The following FAM13A variants were observed in gnomAD, a reference collection of about 807,000 sequenced individuals.
FAM13A encodes protein FAM13A.
FAM13A carries 76 observed loss-of-function variants against 129.6 expected under a neutral mutation model. That is an observed-to-expected ratio of 0.59 (90% CI 0.49 to 0.71). The LOEUF (loss-of-function observed/expected upper bound fraction) is 0.71, where lower values mean the gene tolerates loss of function less well. Ranked by LOEUF, FAM13A falls within the 30% of genes least tolerant of loss-of-function variation. The pLI, the probability that FAM13A is intolerant of heterozygous loss-of-function variation, is 0.00. For missense variants in FAM13A, 1,108 were observed against 1,249.3 expected (o/e 0.89, Z 1.70); for synonymous variants, 443 against 449.9 (o/e 0.98, Z 0.20).
intron 17 of FAM13A, 69 bp from the exon 18 acceptor site, chr4:88,747,920 C>T (rs752880912): frequency 4.7e-5 from 55 of 1,163,744 alleles, no homozygotes; most frequent in East Asian, 7.4e-5. Flanking sequence ...GATGGAGTCT[C>T]GCTCTGTCGC....
At chr4:88,808,844 T>C (rs948194378) in intron 7 of FAM13A, among the ~76,000 whole-genome samples, 1 of 152,150 alleles carries the variant, frequency 6.6e-6, no homozygotes, top group African/African-American at 2.4e-5. Flanking sequence ...TGATTATGCT[T>C]AATGTTCTCA....
At chr4:88,785,729 A>T (rs1723834339) in intron 10 of FAM13A, among the ~76,000 whole-genome samples, 1 of 152,154 alleles carries the variant, frequency 6.6e-6, no homozygotes, top group Non-Finnish European at 1.5e-5. Context: ...AAATTAGTGG[A>T]TCTGGGGGTT....
At chr4:88,920,002 G>T (rs914300071) in intron 5 of FAM13A, among the ~76,000 whole-genome samples, 1 of 151,970 alleles carries the variant, frequency 6.6e-6, no homozygotes, top group Non-Finnish European at 1.5e-5. Context: ...GGGGATGGGC[G>T]CCTGCCATTG....
At chr4:88,828,810 C>T (rs1733442326) in intron 7 of FAM13A, among the ~76,000 whole-genome samples, 1 of 152,162 alleles carries the variant, frequency 6.6e-6, no homozygotes, top group South Asian at 2.1e-4. Flanking sequence ...TAACAAATAA[C>T]TGGCTTAAGG....
chr4:88,848,269 G>A (rs1737008719), intron 7 of FAM13A, among the ~76,000 whole-genome samples: 1 of 152,194 alleles, frequency 6.6e-6, no homozygotes, highest in South Asian at 2.1e-4. Context: ...AAGTGTCCTT[G>A]TGGTTGTACA....
intron 1 of FAM13A, among the ~76,000 whole-genome samples, chr4:89,033,587 G>A (rs1467875804): frequency 6.6e-6 from 1 of 152,170 alleles, no homozygotes; most frequent in Non-Finnish European, 1.5e-5. Context: ...TCTTGTAGCA[G>A]AGAAAAATAG....
chr4:88,937,494 A>G (rs1754035796), intron 5 of FAM13A: 1 of 152,126 alleles, frequency 6.6e-6, no homozygotes, highest in Non-Finnish European at 1.5e-5. Context: ...GTCTTTGGAG[A>G]CCTACAGGCA....
intron 4 of FAM13A, among the ~76,000 whole-genome samples, chr4:88,947,134 A>C: frequency 6.6e-6 from 1 of 152,144 alleles, no homozygotes. Context: ...CCCAACTGGG[A>C]GCAGTGGCTC....
intron 5 of FAM13A, among the ~76,000 whole-genome samples, chr4:88,924,054 G>A (rs1222988856): frequency 4.6e-5 from 7 of 152,058 alleles, no homozygotes; most frequent in African/African-American, 1.7e-4. Context: ...AAATAAAAGA[G>A]GATACAAACA....
At chr4:88,866,942 G>A (rs944405142) in intron 6 of FAM13A, among the ~76,000 whole-genome samples, 2 of 151,980 alleles carry the variant, frequency 1.3e-5, no homozygotes, top group African/African-American at 2.4e-5. Flanking sequence ...ATGGGCAAAG[G>A]GTACATACAT....
intron 5 of FAM13A, among the ~76,000 whole-genome samples, chr4:88,924,990 C>G (rs571203522): frequency 0.016 from 2,426 of 150,828 alleles, 50 homozygotes; most frequent in African/African-American, 0.056. Flanking sequence ...AAATGCAAAT[C>G]AAAACCACAA....
chr4:88,846,173 C>G (rs1247051330), intron 7 of FAM13A, among the ~76,000 whole-genome samples: 1 of 152,190 alleles, frequency 6.6e-6, no homozygotes, highest in Non-Finnish European at 1.5e-5. Flanking sequence ...TGTTTACACT[C>G]AAACCTAATG....
chr4:88,788,139 A>G (rs1475361974), intron 9 of FAM13A, among the ~76,000 whole-genome samples: 1 of 152,222 alleles, frequency 6.6e-6, no homozygotes, highest in African/African-American at 2.4e-5. Context: ...AATTCTGCCA[A>G]TTTAACAACT....
intron 4 of FAM13A, among the ~76,000 whole-genome samples, chr4:88,954,351 C>T (rs982103397): frequency 6.6e-6 from 1 of 152,162 alleles, no homozygotes; most frequent in African/African-American, 2.4e-5. Context: ...AGTTAGAATA[C>T]TTTTCTCTGC....
intron 3 of FAM13A, among the ~76,000 whole-genome samples, chr4:88,996,721 C>T (rs1486671981): frequency 1.3e-5 from 2 of 151,878 alleles, no homozygotes; most frequent in Admixed American, 6.6e-5. Context: ...AGGAAGGTCT[C>T]CTTGAAATGT....
In FAM13A at chr4:88,900,734, G is replaced by T. The variant is rs116291832; in HGVS notation, c.843+5645C>A. 6.7e-3 allele frequency among the ~76,000 whole-genome samples: 1,012 copies of T among 152,006 alleles called. 17 individuals carry two copies. Among genetic ancestry groups the T allele is most frequent in the African/African-American group, 0.023 (968 of 41,506 alleles). ...GTTAGTGATACTATAAAGCAACCAC[G>T]TAAACAAGTCTGTAAAATAAGCAGC... On this transcript the variant is annotated intron_variant, in intron 6 of 23. Transcript: ENST00000264344.
chr4:89,046,306 A>G (rs1389158045), intron 1 of FAM13A, among the ~76,000 whole-genome samples: 1 of 152,220 alleles, frequency 6.6e-6, no homozygotes, highest in South Asian at 2.1e-4. Context: ...GTTATACTCA[A>G]AAGAGAAGAT....
At chr4:89,020,317 T>G in intron 3 of FAM13A, 143 bp downstream of exon 3, 1 of 451,080 alleles carries the variant, frequency 2.2e-6, no homozygotes, top group African/African-American at 2.0e-5. Flanking sequence ...GGGTCTTGCT[T>G]GGTTGCCCAC....
intron 7 of FAM13A, among the ~76,000 whole-genome samples, chr4:88,835,470 G>T: frequency 6.6e-6 from 1 of 152,164 alleles, no homozygotes; most frequent in East Asian, 1.9e-4. Context: ...CACAGACTAG[G>T]GGGTGGGTAG....
Sources: allele counts gnomAD v4.1 joint callset (sites outside exome capture counted in the v4.1 genomes callset), GRCh38; gene constraint gnomAD v4.1.1; transcripts MANE v1.5; gene names NCBI Gene and HGNC (gene_info 2026-07-23, HGNC 2026-07-21).